Variants in PVALB observed in about 807,000 individuals in gnomAD.
PVALB encodes the protein parvalbumin alpha.
In PVALB, 11 loss-of-function variants were observed where a neutral mutation model predicts 10.9. That is an observed-to-expected ratio of 1.01 (90% confidence interval 0.63 to 1.67). PVALB has a LOEUF of 1.67. PVALB is among the 40% of genes most tolerant of loss of function. The pLI, the probability that PVALB is intolerant of heterozygous loss-of-function variation, is 0.00. For missense variants in PVALB, 131 were observed against 136.2 expected (o/e 0.96, Z 0.19); for synonymous variants, 57 against 50.7 (o/e 1.12, Z -0.53).
intron 3 of PVALB, among the ~76,000 whole-genome samples, chr22:36,806,548 C>T (rs1208039007): frequency 2.0e-5 from 3 of 152,160 alleles, no homozygotes; most frequent in African/African-American, 4.8e-5. Context: ...CTCCCTCTGT[C>T]GTGATGACCG....
At position 36,800,927 on chromosome 22, in the gene PVALB, C is replaced by T. The variant is rs2001063; in HGVS notation, c.305-9G>A. The T allele has an allele frequency of 2.5e-6, 4 of 1,607,414 alleles. No homozygotes were observed. Among genetic ancestry groups the T allele is most frequent in the Admixed American group, 1.7e-5 (1 of 59,936 alleles). ...CACCAGAGTGGAGAATTCTGCAGAA[C>T]AAAATGACAAGGAAAGTGAGTCAGA... is the stretch of plus-strand genomic sequence containing the variant. On this transcript the variant is annotated splice_polypyrimidine_tract_variant and intron_variant, in intron 3 of 3. Transcript: ENST00000417718.
In PVALB at chr22:36,801,105, G is replaced by A. The variant is rs1471584194; in HGVS notation, c.305-187C>T. The stretch of plus-strand genomic sequence containing the variant: ...TGAATGAGCAGATGAGTGAAGTGAG[G>A]TGGGAAATGATGGGCCTACCACATC... On this transcript the variant is annotated intron_variant, in intron 3 of 3. Transcript: ENST00000417718. 3.9e-5 allele frequency among the ~76,000 whole-genome samples: 6 copies of A among 152,130 alleles called. No individual in the cohort carries two copies. The East Asian group carries it at 1.2e-3, about 29-fold the overall frequency.
upstream of PVALB, among the ~76,000 whole-genome samples, chr22:36,819,155 C>T (rs1159861058): frequency 6.6e-6 from 1 of 152,202 alleles, no homozygotes; most frequent in African/African-American, 2.4e-5. Context: ...CCACAGATGT[C>T]TGACTCCAGC....
chr22:36,807,823 G>A (rs1016526822), intron 3 of PVALB, among the ~76,000 whole-genome samples: 6 of 152,108 alleles, frequency 3.9e-5, no homozygotes, highest in Non-Finnish European at 5.9e-5. Flanking sequence ...CGCCTCTCAC[G>A]GTAAATAGGC....
chr22:36,815,445 C>T (rs1939123921), intron 1 of PVALB: 1 of 638,358 alleles, frequency 1.6e-6, no homozygotes, highest in Non-Finnish European at 2.6e-6. Context: ...AAGAGGTGTG[C>T]TCAAACCCAG....
intron 3 of PVALB, among the ~76,000 whole-genome samples, chr22:36,802,603 C>CACAAAAA (rs1222848851): frequency 4.0e-4 from 11 of 27,760 alleles, no homozygotes; most frequent in Non-Finnish European, 3.7e-4. Context: ...CCATCTCACA[C>CACAAAAA]AAAAAAAAAA....
chr22:36,808,825 T>C (rs1200301542), intron 3 of PVALB, among the ~76,000 whole-genome samples: 2 of 151,628 alleles, frequency 1.3e-5, no homozygotes, highest in Non-Finnish European at 2.9e-5. Flanking sequence ...TTAACAAAGA[T>C]TTTTTTTTGG....
At chr22:36,816,718 A>T (rs1237777256) in intron 1 of PVALB, among the ~76,000 whole-genome samples, 1 of 152,162 alleles carries the variant, frequency 6.6e-6, no homozygotes, top group South Asian at 2.1e-4. Context: ...AAGTTTCTGT[A>T]ACTTAGGCGG....
chr22:36,812,548 T>C (rs1366853692), intron 3 of PVALB, among the ~76,000 whole-genome samples: 1 of 152,232 alleles, frequency 6.6e-6, no homozygotes, highest in African/African-American at 2.4e-5. Flanking sequence ...ACCCTTGTAA[T>C]CACCCTGTAA....
At chr22:36,804,046 T>C (rs891252820) in intron 3 of PVALB, among the ~76,000 whole-genome samples, 4 of 152,094 alleles carry the variant, frequency 2.6e-5, no homozygotes, top group African/African-American at 9.7e-5. Flanking sequence ...GGGCACTGAG[T>C]TTCTCTGTCC....
At chr22:36,811,492 A>C (rs1028358461) in intron 3 of PVALB, 1 of 470,636 alleles carries the variant, frequency 2.1e-6, no homozygotes, top group Non-Finnish European at 4.4e-6. Context: ...ATTGCCGGGC[A>C]CAGAGTTGCT....
intron 2 of PVALB, 48 bp from the exon 3 acceptor site, chr22:36,813,803 G>T: frequency 1.4e-6 from 2 of 1,429,238 alleles, no homozygotes; most frequent in Non-Finnish European, 2.0e-6. Flanking sequence ...GGCCGAGGTC[G>T]CCTTGCAGGA....
At chr22:36,815,466 C>G (rs1939124292) in intron 1 of PVALB, 3 of 562,482 alleles carry the variant, frequency 5.3e-6, no homozygotes, top group Non-Finnish European at 9.4e-6. Flanking sequence ...ACCTCCCTGG[C>G]TCTCAAGCCC....
intron 3 of PVALB, among the ~76,000 whole-genome samples, chr22:36,811,908 C>A (rs62229087): frequency 0.015 from 2,269 of 152,212 alleles, 22 homozygotes; most frequent in Middle Eastern, 0.031. Context: ...TCCTTCCCAG[C>A]CACAAGAAGG....
chr22:36,803,057 G>A (rs1373212680), intron 3 of PVALB, among the ~76,000 whole-genome samples: 1 of 152,118 alleles, frequency 6.6e-6, no homozygotes, highest in Admixed American at 6.5e-5. Context: ...AACATTTATC[G>A]AATGCCAATG....
At chr22:36,816,825 A>G (rs938113537) in intron 1 of PVALB, 120 bp downstream of exon 1, 33 of 825,046 alleles carry the variant, frequency 4.0e-5, no homozygotes, top group Non-Finnish European at 1.9e-5. Context: ...GCCGGCGCCC[A>G]GCGGGAAGTG....
At chr22:36,815,038 A>T in intron 2 of PVALB, 65 bp downstream of exon 2, 1 of 1,587,520 alleles carries the variant, frequency 6.3e-7, no homozygotes, top group South Asian at 1.1e-5. Flanking sequence ...TGGAAGCTAG[A>T]GTCCCAGCCC....
rs1382498812 is a variant in PVALB, at chr22:36,813,726, G to T, written c.224C>A (p.Ala75Asp). 1.2e-6 allele frequency: 2 copies of T among 1,613,962 alleles called. No homozygotes were observed. The highest frequency in any genetic ancestry group is 1.1e-5 in the South Asian group (1 of 91,060). ...GFILKGFSPDARDLSAKETKM... is the reference protein window; with the variant it reads ...GFILKGFSPDDRDLSAKETKM... ...GGTTTCTTTAGCAGACAGGTCTCTG[G>T]CATCTGGGGAGAAGCCTTTTAGGAT... Residue 75 changes from alanine (A) to aspartate (D), a missense_variant, in exon 3 of 4, where the codon GCC becomes GAC. Transcript: ENST00000417718.
Position 36,815,775 on chromosome 22 carries a change from C to T in PVALB, c.62-540G>A, listed in dbSNP as rs566889807. 2.0e-5 allele frequency among the ~76,000 whole-genome samples: 3 copies of T among 152,134 alleles called. No homozygotes were observed. The East Asian group carries it at 5.8e-4, about 30-fold the overall frequency. On this transcript the variant is annotated intron_variant, in intron 1 of 3. Coordinates refer to ENST00000417718, the MANE Select transcript of PVALB (RefSeq NM_001315532.2). ...GGCAAACCCGGAAGTCCTGGCTCTG[C>T]GCAGAAATCCACTTCGGAGGCAGTG...
Sources: gnomAD v4.1 joint callset for allele counts (sites outside exome capture counted in the v4.1 genomes callset) on GRCh38, gnomAD v4.1.1 for gene constraint, MANE v1.5 for transcripts, NCBI Gene and HGNC (gene_info 2026-07-23, HGNC 2026-07-21) for gene names.